The following WDHD1 variants were observed in gnomAD, a reference collection of about 807,000 sequenced individuals.
The protein encoded by WDHD1 is WD repeat and HMG-box DNA-binding protein 1.
In WDHD1, 111 loss-of-function variants were observed where a neutral mutation model predicts 135.4. The ratio of observed to expected loss-of-function variants is 0.82; its 90% CI spans 0.70 to 0.96. WDHD1 has a LOEUF of 0.96. Ranked by LOEUF, WDHD1 falls within the 40% of genes least tolerant of loss-of-function variation. The pLI is 0.00. For synonymous variants in WDHD1, 434 were observed against 439.0 expected (o/e 0.99, Z 0.14); for missense variants, 1,351 against 1,336.3 (o/e 1.01, Z -0.17).
intron 10 of WDHD1, among the ~76,000 whole-genome samples, chr14:54,997,605 G>A (rs1210126978): frequency 1.3e-5 from 2 of 151,988 alleles, no homozygotes; most frequent in African/African-American, 4.8e-5. Context: ...ATTGTTTTTG[G>A]ATTTTCTAAT....
chr14:55,026,859 G>A, intron 1 of WDHD1, 56 bp from the exon 2 acceptor site: 2 of 1,565,096 alleles, frequency 1.3e-6, no homozygotes. Flanking sequence ...AAGCAGCGAG[G>A]CTAGGGATAG....
intron 2 of WDHD1, among the ~76,000 whole-genome samples, chr14:55,024,332 G>A (rs181277257): frequency 6.6e-6 from 1 of 152,190 alleles, no homozygotes; most frequent in East Asian, 1.9e-4. Flanking sequence ...TCTGAAATAC[G>A]CCCTTCTTCA....
At chr14:54,952,903 G>T (rs932513965) in intron 24 of WDHD1, among the ~76,000 whole-genome samples, 2 of 152,170 alleles carry the variant, frequency 1.3e-5, no homozygotes, top group African/African-American at 4.8e-5. Context: ...AAATGGTGCT[G>T]GGAAAACTGC....
In WDHD1 at chr14:55,009,599, T is replaced by C. The variant is rs1269944454; in HGVS notation, c.341+710A>G. Reference sequence around the variant, plus strand: ...GGCACCCGCTACTATGCCCAGCTCATTTTTGTATTTTTAATAGAGACGAGG... The same window carrying C: ...GGCACCCGCTACTATGCCCAGCTCACTTTTGTATTTTTAATAGAGACGAGG... On this transcript the variant is annotated intron_variant, in intron 4 of 25. Transcript: ENST00000360586. Among the ~76,000 whole-genome samples the C allele has an allele frequency of 3.3e-5, 5 of 152,052 alleles. No individual in the cohort carries two copies. The East Asian group carries it at 5.8e-4, about 18-fold the overall frequency.
intron 21 of WDHD1, among the ~76,000 whole-genome samples, chr14:54,959,675 G>A (rs1200663775): frequency 1.3e-5 from 2 of 152,070 alleles, no homozygotes; most frequent in Non-Finnish European, 2.9e-5. Flanking sequence ...GGGTGAGGCA[G>A]GAGGATCACC....
chr14:54,999,791 G>C (rs1259906685), intron 10 of WDHD1, among the ~76,000 whole-genome samples: 1 of 152,004 alleles, frequency 6.6e-6, no homozygotes, highest in African/African-American at 2.4e-5. Flanking sequence ...ATTTTTTGTA[G>C]AGATGGGGTC....
At chr14:55,001,531 G>A (rs2041980633) in intron 8 of WDHD1, among the ~76,000 whole-genome samples, 1 of 152,174 alleles carries the variant, frequency 6.6e-6, no homozygotes, top group African/African-American at 2.4e-5. Flanking sequence ...TCAAAGTGCT[G>A]GGATTACAGG....
intron 13 of WDHD1, among the ~76,000 whole-genome samples, 198 bp downstream of exon 13, chr14:54,988,830 T>C (rs2041737283): frequency 1.3e-5 from 2 of 151,998 alleles, no homozygotes; most frequent in African/African-American, 2.4e-5. Context: ...AGTTAGAGCA[T>C]GTAATGAGGG....
chr14:55,007,583 G>A lies in WDHD1; in HGVS notation c.505-208C>T, dbSNP rs138433810. Among the ~76,000 whole-genome samples the A allele has an allele frequency of 7.2e-5, 11 of 152,208 alleles. No individual in the cohort carries two copies. The East Asian group carries it at 2.1e-3, about 29-fold the overall frequency. Reference sequence around the variant, plus strand: ...TGAGTACAAATCTTAAATAACTAGAGTATTTTCTGTGCAGAATAAACAAAT... The same window carrying A: ...TGAGTACAAATCTTAAATAACTAGAATATTTTCTGTGCAGAATAAACAAAT... On this transcript the variant is annotated intron_variant, in intron 6 of 25. Coordinates refer to ENST00000360586, the MANE Select transcript of WDHD1 (RefSeq NM_007086.4).
Position 55,001,007 on chromosome 14 carries a change from A to T in WDHD1, c.694-15T>A. ...ATATTGAGGGTCTGTAAAGAAAAAC[A>T]GTTAATAAATAATGATTTTGTAAAA... On this transcript the variant is annotated splice_polypyrimidine_tract_variant and intron_variant, in intron 8 of 25. Coordinates refer to ENST00000360586, the MANE Select transcript of WDHD1 (RefSeq NM_007086.4). 1 of 1,442,342 alleles carries T rather than the reference A, an allele frequency of 6.9e-7. No homozygotes were observed. Among genetic ancestry groups the T allele is most frequent in the Non-Finnish European group, 9.4e-7 (1 of 1,068,796 alleles). 89.3% of individuals were successfully genotyped at this position (1,442,342 alleles called of 1,614,324 possible).
At chr14:55,026,828 T>C (rs2042453869) in intron 1 of WDHD1, 25 bp from the exon 2 acceptor site, 1 of 1,607,554 alleles carries the variant, frequency 6.2e-7, no homozygotes, top group Admixed American at 1.7e-5. Context: ...TAAAAGCCAG[T>C]CTTATTATTT....
chr14:54,942,346 G>A lies in WDHD1; in HGVS notation c.3190-656C>T, dbSNP rs145221699. Among the ~76,000 whole-genome samples the A allele has an allele frequency of 4.0e-3, 603 of 152,226 alleles. 1 individual carries two copies. Among genetic ancestry groups the A allele is most frequent in the African/African-American group, 0.014 (562 of 41,536 alleles). On this transcript the variant is annotated intron_variant, in intron 25 of 25. Coordinates refer to ENST00000360586, the MANE Select transcript of WDHD1 (RefSeq NM_007086.4). ...ACATGCAGTTGTATGAAATAATACA[G>A]AAAGATCCTGTGTAGCCTTCACCCA...
intron 11 of WDHD1, among the ~76,000 whole-genome samples, chr14:54,991,768 G>A (rs895772029): frequency 6.6e-6 from 1 of 151,798 alleles, no homozygotes; most frequent in African/African-American, 2.4e-5. Context: ...AAGCACTTAT[G>A]CAATTGTTTG....
In WDHD1 at chr14:54,966,364, A is replaced by AAG. The variant is rs1302512376; in HGVS notation, c.2310+110_2310+111insCT. ...AAAACAACAACAACAACAAAAAAAA[A>AAG]CTTAAGAATCTTAGGTTGTGGGACT... On this transcript the variant is annotated intron_variant, in intron 18 of 25. Transcript: ENST00000360586. 8.3e-6 allele frequency: 11 copies of AAG among 1,324,532 alleles called. No homozygotes were observed. The African/African-American group carries it at 1.1e-4, about 13-fold the overall frequency. The allele number at this position is 1,324,532 out of a possible 1,614,324, so 82.0% of individuals were successfully genotyped here.
chr14:54,985,733 C>G (rs962963111), intron 14 of WDHD1, among the ~76,000 whole-genome samples: 2 of 152,078 alleles, frequency 1.3e-5, no homozygotes, highest in Non-Finnish European at 2.9e-5. Flanking sequence ...GAGATGACAT[C>G]CAGGTTGTAT....
At chr14:54,978,686 C>A (rs1439699921) in intron 16 of WDHD1, among the ~76,000 whole-genome samples, 2 of 152,098 alleles carry the variant, frequency 1.3e-5, no homozygotes, top group African/African-American at 4.8e-5. Flanking sequence ...GCAAAACACA[C>A]AGAAATAACC....
chr14:54,963,031 C>G lies in WDHD1; in HGVS notation c.2452G>C (p.Glu818Gln). ...LAQKLSELAV[E>Q]KAAELTATQV... ...GTTGCTGTCAATTCGGCTGCCTTCTCTACAGCCAGTTCACTTAGTTTTTGA... is the reference window on the plus strand; with the variant it reads ...GTTGCTGTCAATTCGGCTGCCTTCTGTACAGCCAGTTCACTTAGTTTTTGA... Residue 818 changes from glutamate (E) to glutamine (Q), a missense_variant, in exon 19 of 26, where the codon GAG (glutamate) becomes CAG (glutamine). Glu to Gln is a conservative substitution (Grantham distance 29, BLOSUM62 2). Around this residue, in one of 2 missense-constraint regions of WDHD1, gnomAD observed 1,330 missense variants for 1,296.1 expected, o/e 1.03. Coordinates refer to ENST00000360586, the MANE Select transcript of WDHD1 (RefSeq NM_007086.4). The G allele has an allele frequency of 6.2e-7, 1 of 1,613,940 alleles. No homozygotes were observed. The highest frequency in any genetic ancestry group is 8.5e-7 in the Non-Finnish European group (1 of 1,179,960).
At chr14:55,006,965 G>A (rs369313602) in intron 7 of WDHD1, among the ~76,000 whole-genome samples, 11 of 151,998 alleles carry the variant, frequency 7.2e-5, no homozygotes, top group Admixed American at 2.0e-4. Context: ...GGTGGCTCAC[G>A]CCTGTAATAC....
chr14:54,982,828 T>C (rs1208017808), intron 15 of WDHD1, among the ~76,000 whole-genome samples: 3 of 152,140 alleles, frequency 2.0e-5, no homozygotes, highest in African/African-American at 7.2e-5. Flanking sequence ...AAAAGAGAAA[T>C]ATTTAAGTCC....
Sources: gnomAD v4.1 joint callset for allele counts (sites outside exome capture counted in the v4.1 genomes callset) on GRCh38, gnomAD v4.1.1 for gene constraint, gnomAD v4.1.1 regional missense constraint, MANE v1.5 for transcripts, NCBI Gene and HGNC (gene_info 2026-07-23, HGNC 2026-07-21) for gene names.